ALAD: variants seen among roughly 807,000 people sequenced by gnomAD.
ALAD encodes aminolevulinate dehydratase.
In ALAD, 20 loss-of-function variants were observed where a neutral mutation model predicts 44.4. The observed-to-expected ratio is 0.45, with a 90% CI of 0.32 to 0.65. The LOEUF (loss-of-function observed/expected upper bound fraction) is 0.65, where lower values mean the gene tolerates loss of function less well. Ranked by LOEUF, ALAD falls within the 30% of genes least tolerant of loss-of-function variation. The probability of loss-of-function intolerance (pLI) is 0.05; values close to 1 mark genes in which losing one functional copy is unlikely to be tolerated. For missense variants in ALAD, 323 were observed against 445.7 expected, an observed-to-expected ratio of 0.72 and a Z score of 2.48; for synonymous variants, 156 against 167.9, an observed-to-expected ratio of 0.93 and a Z score of 0.55.
intron 1 of ALAD, chr9:113,397,047 C>G (rs1012527373): frequency 1.3e-5 from 2 of 152,190 alleles, no homozygotes; most frequent in Non-Finnish European, 2.9e-5. Context: ...AGGACTTACC[C>G]AAAGCCACAC....
rs1827453392 is a variant in ALAD at position 113,388,080 on chromosome 9, G to A, written c.*220C>T. The A allele has an allele frequency of 1.7e-6, 1 of 605,060 alleles. No individual in the cohort carries two copies. The highest frequency in any genetic ancestry group is 3.0e-6 in the Non-Finnish European group (1 of 332,090). The allele number at this position is 605,060 out of a possible 1,614,324, so 37.5% of individuals were successfully genotyped here. On this transcript the variant is annotated 3_prime_UTR_variant, in exon 12 of 12. Coordinates refer to ENST00000409155, the MANE Select transcript of ALAD (RefSeq NM_000031.6). ...GGTGGGCCTCACGGCTGACCCAGGGGAGGGGCGGGGAAGCTTGGGAGAGCT... is the reference window on the plus strand; with the variant it reads ...GGTGGGCCTCACGGCTGACCCAGGGAAGGGGCGGGGAAGCTTGGGAGAGCT...
intron 3 of ALAD, 35 bp from the exon 4 acceptor site, chr9:113,391,658 C>T: frequency 6.4e-7 from 1 of 1,563,538 alleles, no homozygotes. Flanking sequence ...TGAAGGAAGG[C>T]AGGTCCCAGG....
intron 11 of ALAD, among the ~76,000 whole-genome samples, chr9:113,388,638 A>G (rs1827475756): frequency 6.6e-6 from 1 of 152,178 alleles, no homozygotes; most frequent in Admixed American, 6.5e-5. Flanking sequence ...TTCTAACAAA[A>G]TGAGTCCCCT....
In ALAD at chr9:113,389,288, G is replaced by T. The variant is rs554011860; in HGVS notation, c.801+150C>A. The T allele has an allele frequency of 2.3e-6, 3 of 1,305,238 alleles. No homozygotes were observed. The highest frequency in any genetic ancestry group is 3.2e-6 in the Non-Finnish European group (3 of 927,644). 80.9% of individuals were successfully genotyped at this position (1,305,238 alleles called of 1,614,324 possible). The stretch of plus-strand genomic sequence containing the variant: ...GCTGTTTGAGGCTCGTGCAAGCCCC[G>T]ACATAGAAGGCCACGATGGTTCCTG... On this transcript the variant is annotated intron_variant, in intron 10 of 11. Coordinates refer to ENST00000409155, the MANE Select transcript of ALAD (RefSeq NM_000031.6).
At chr9:113,398,927 A>G (rs1191266731) in intron 1 of ALAD, among the ~76,000 whole-genome samples, 1 of 152,200 alleles carries the variant, frequency 6.6e-6, no homozygotes, top group Non-Finnish European at 1.5e-5. Context: ...AGAGTTTGGG[A>G]GAATTTCACA....
At position 113,393,530 on chromosome 9, in the gene ALAD, G is replaced by A. The variant is rs1588085700; in HGVS notation, c.30C>T (p.Gly10=). ...AGGCCCGAAGTAGTGGGTGGAAGTA[G>A]CCGCTGTGCAGAACGGACTGGGGCT... MQPQSVLHS[G]YFHPLLRAWQ... Residue 10 remains glycine (G), a synonymous_variant, in exon 2 of 12, where the codon GGC becomes GGT. Coordinates refer to ENST00000409155, the MANE Select transcript of ALAD (RefSeq NM_000031.6). 1.2e-6 allele frequency: 2 copies of A among 1,613,948 alleles called. No homozygotes were observed. Among genetic ancestry groups the A allele is most frequent in the Non-Finnish European group, 8.5e-7 (1 of 1,180,052 alleles).
In ALAD at chr9:113,389,834, G is replaced by C; in HGVS notation, c.571-6C>G. Reference sequence around the variant, plus strand: ...CTGTAGCTCATCACCGATACCTATGGGGAGACAATGGAGGTCTTGGCTTAT... The same window carrying C: ...CTGTAGCTCATCACCGATACCTATGCGGAGACAATGGAGGTCTTGGCTTAT... On this transcript the variant is annotated splice_region_variant and splice_polypyrimidine_tract_variant and intron_variant, in intron 7 of 11. Transcript: ENST00000409155. 1.2e-6 allele frequency: 2 copies of C among 1,614,216 alleles called. 1 individual carries two copies. The highest frequency in any genetic ancestry group is 2.2e-5 in the South Asian group (2 of 91,084).
At chr9:113,389,930 C>T in intron 7 of ALAD, 102 bp from the exon 8 acceptor site, 2 of 1,415,790 alleles carry the variant, frequency 1.4e-6, no homozygotes, top group Non-Finnish European at 2.0e-6. Context: ...AGGAGACTGC[C>T]TGTGTTCTGG....
intron 1 of ALAD, among the ~76,000 whole-genome samples, chr9:113,397,621 T>A (rs1261509837): frequency 1.6e-5 from 1 of 61,434 alleles, no homozygotes; most frequent in East Asian, 2.5e-4. Context: ...TTTCCTTTTC[T>A]TTTTTTTTTT....
chr9:113,395,054 CAA>C (rs754746652), intron 1 of ALAD, among the ~76,000 whole-genome samples: 1 of 137,750 alleles, frequency 7.3e-6, no homozygotes, highest in Admixed American at 7.3e-5. Flanking sequence ...GACTTCATTC[CAA>C]AAAAAAAAAG....
rs779641927 is a variant in ALAD, at chr9:113,387,815, T to G, written c.*485A>C. The stretch of plus-strand genomic sequence containing the variant: ...ACCTCTGGCCTCGTGGGAAATGCCT[T>G]CCAGTGGAATTGCGGCAAATTTCAA... On this transcript the variant is annotated 3_prime_UTR_variant, in exon 12 of 12. Transcript: ENST00000409155. 1.4e-5 allele frequency: 3 copies of G among 212,726 alleles called. No individual in the cohort carries two copies. Among genetic ancestry groups the G allele is most frequent in the Admixed American group, 5.1e-5 (1 of 19,484 alleles). 13.2% of individuals were successfully genotyped at this position (212,726 alleles called of 1,614,324 possible).
At chr9:113,389,175 C>G in intron 10 of ALAD, 69 bp from the exon 11 acceptor site, 1 of 1,596,052 alleles carries the variant, frequency 6.3e-7, no homozygotes, top group Non-Finnish European at 8.5e-7. Context: ...CGTCCCTTCC[C>G]CCCTGCTCAA....
intron 2 of ALAD, 24 bp downstream of exon 2, chr9:113,393,423 C>T: frequency 6.3e-7 from 1 of 1,581,936 alleles, no homozygotes. Flanking sequence ...AGAGCAGAGG[C>T]CTGGCCCATT....
chr9:113,388,308 C>G lies in ALAD; in HGVS notation c.985G>C (p.Glu329Gln). The G allele has an allele frequency of 1.2e-6, 2 of 1,614,176 alleles. No individual in the cohort carries two copies. Among genetic ancestry groups the G allele is most frequent in the Non-Finnish European group, 1.7e-6 (2 of 1,180,032 alleles). Reference protein sequence around the residue: ...YTPQLLQWLKEE With the variant: ...YTPQLLQWLKQE ...GCCTGGCACTGTCTCCATCATTCCTCCTTCAGCCACTGCAGCAGCTGCGGT... is the reference window on the plus strand; with the variant it reads ...GCCTGGCACTGTCTCCATCATTCCTGCTTCAGCCACTGCAGCAGCTGCGGT... The change falls in exon 12 of 12, where the codon GAG (glutamate) becomes CAG (glutamine). Residue 329 changes from glutamate to glutamine, a missense_variant. By Grantham distance (29) the Glu-to-Gln change is conservative. Coordinates refer to ENST00000409155, the MANE Select transcript of ALAD (RefSeq NM_000031.6).
chr9:113,390,691 A>C lies in ALAD; in HGVS notation c.398-15T>G, dbSNP rs1827553901. The C allele has an allele frequency of 6.2e-7, 1 of 1,612,342 alleles. No homozygotes were observed. Among genetic ancestry groups the C allele is most frequent in the Non-Finnish European group, 8.5e-7 (1 of 1,179,290 alleles). On this transcript the variant is annotated splice_polypyrimidine_tract_variant and intron_variant, in intron 5 of 11. Coordinates refer to ENST00000409155, the MANE Select transcript of ALAD (RefSeq NM_000031.6). The stretch of plus-strand genomic sequence containing the variant: ...ACTCAGGAGCCCTTCAGGACAGATG[A>C]CTGGGTTTTGGGGAGCACCTTGGGC...
chr9:113,389,409 A>G, intron 10 of ALAD, 29 bp downstream of exon 10: 1 of 1,611,296 alleles, frequency 6.2e-7, no homozygotes, highest in South Asian at 1.1e-5. Flanking sequence ...CAGCCCCCTG[A>G]GCCCCCTTTG....
intron 1 of ALAD, among the ~76,000 whole-genome samples, chr9:113,398,648 C>T (rs977694953): frequency 6.6e-6 from 1 of 152,190 alleles, no homozygotes; most frequent in African/African-American, 2.4e-5. Context: ...CCTGTTTAAT[C>T]CCTTACACTT....
At chr9:113,388,852 T>C in intron 11 of ALAD, 125 bp downstream of exon 11, 1 of 1,428,008 alleles carries the variant, frequency 7.0e-7, no homozygotes, top group Non-Finnish European at 9.8e-7. Flanking sequence ...AGTGTGTGTC[T>C]GTTTAGATCA....
At chr9:113,392,968 C>T (rs1456591479) in intron 2 of ALAD, among the ~76,000 whole-genome samples, 2 of 152,112 alleles carry the variant, frequency 1.3e-5, no homozygotes, top group East Asian at 3.9e-4. Flanking sequence ...CAGGCACCCG[C>T]CACCACGCCT....
Sources: gnomAD v4.1 joint callset for allele counts (sites outside exome capture counted in the v4.1 genomes callset) on GRCh38, gnomAD v4.1.1 for gene constraint, MANE v1.5 for transcripts, NCBI Gene and HGNC (gene_info 2026-07-23, HGNC 2026-07-21) for gene names.